NRG3: variants seen among roughly 807,000 people sequenced by gnomAD.
NRG3 encodes pro-neuregulin-3, membrane-bound isoform.
In NRG3, 31 loss-of-function variants were observed where a neutral mutation model predicts 66.9. That is an observed-to-expected ratio of 0.46 (90% CI 0.35 to 0.63). NRG3 has a LOEUF of 0.63. NRG3 is among the 20% of genes least tolerant of loss of function. The pLI is 0.00. For synonymous variants in NRG3, 393 were observed against 359.4 expected (o/e 1.09, Z -1.06); for missense variants, 910 against 878.9 (o/e 1.04, Z -0.45).
intron 2 of NRG3, among the ~76,000 whole-genome samples, chr10:82,737,498 A>T (rs927603305): frequency 2.6e-5 from 4 of 152,078 alleles, no homozygotes; most frequent in Non-Finnish European, 5.9e-5. Flanking sequence ...TGTCAATTTC[A>T]TAGATTTCTA....
chr10:82,282,133 C>T (rs2079155093), intron 1 of NRG3, among the ~76,000 whole-genome samples: 1 of 152,178 alleles, frequency 6.6e-6, no homozygotes, highest in African/African-American at 2.4e-5. Context: ...GCTGCTTGCC[C>T]AGTCTAATGA....
intron 2 of NRG3, among the ~76,000 whole-genome samples, chr10:82,413,880 G>A (rs1359680236): frequency 6.6e-6 from 1 of 152,178 alleles, no homozygotes; most frequent in East Asian, 1.9e-4. Flanking sequence ...GGCCTTCATA[G>A]AATTGAAGAG....
chr10:82,598,491 G>A (rs1274154543), intron 2 of NRG3, among the ~76,000 whole-genome samples: 1 of 152,132 alleles, frequency 6.6e-6, no homozygotes, highest in East Asian at 1.9e-4. Context: ...ATATCTCTTG[G>A]ACACATGACA....
intron 1 of NRG3, among the ~76,000 whole-genome samples, chr10:82,354,421 G>A (rs533401496): frequency 3.3e-4 from 48 of 145,826 alleles, no homozygotes; most frequent in African/African-American, 1.1e-3. Context: ...ACAGAGTTTC[G>A]CTCTTGTTAC....
chr10:82,014,745 G>C (rs2061713420), intron 1 of NRG3, among the ~76,000 whole-genome samples: 1 of 152,166 alleles, frequency 6.6e-6, no homozygotes, highest in African/African-American at 2.4e-5. Context: ...CAGGAAGGAG[G>C]CCAGACTGTA....
chr10:82,577,035 G>T (rs953403536), intron 2 of NRG3, among the ~76,000 whole-genome samples: 2 of 151,616 alleles, frequency 1.3e-5, no homozygotes, highest in Admixed American at 1.3e-4. Context: ...TTATTATTTT[G>T]TTCCTCTAAT....
chr10:82,097,310 ATTTG>A (rs145460600), intron 1 of NRG3, among the ~76,000 whole-genome samples: 4,106 of 149,524 alleles, frequency 0.027, 193 homozygotes, highest in African/African-American at 0.096. Context: ...TTGTTTCATC[ATTTG>A]TTTATCTATT....
intron 7 of NRG3, among the ~76,000 whole-genome samples, chr10:82,976,111 A>C (rs757595319): frequency 9.9e-5 from 15 of 151,992 alleles, no homozygotes; most frequent in African/African-American, 1.2e-4. Flanking sequence ...GCTGGAGTGC[A>C]GTGGTGTGAT....
chr10:82,705,481 G>T (rs148592055), intron 2 of NRG3, among the ~76,000 whole-genome samples: 12 of 152,296 alleles, frequency 7.9e-5, no homozygotes, highest in African/African-American at 2.9e-4. Flanking sequence ...GTGAACAGGT[G>T]CATTGAGTTC....
intron 1 of NRG3, among the ~76,000 whole-genome samples, chr10:82,127,041 A>G (rs541667716): frequency 2.0e-5 from 3 of 152,194 alleles, no homozygotes; most frequent in East Asian, 1.9e-4. Flanking sequence ...TTGTTGTTCA[A>G]TCCTTGAGCA....
At chr10:82,315,253 C>T (rs1200980087) in intron 1 of NRG3, among the ~76,000 whole-genome samples, 1 of 152,174 alleles carries the variant, frequency 6.6e-6, no homozygotes, top group African/African-American at 2.4e-5. Context: ...TCCTCACTGC[C>T]CGGAGTACTT....
intron 2 of NRG3, among the ~76,000 whole-genome samples, chr10:82,519,381 C>G (rs1845985328): frequency 6.6e-6 from 1 of 152,156 alleles, no homozygotes; most frequent in South Asian, 2.1e-4. Flanking sequence ...TCCCAACCAA[C>G]CTTAAAAGTC....
At chr10:82,055,476 C>CA (rs35438768) in intron 1 of NRG3, among the ~76,000 whole-genome samples, 37,978 of 115,464 alleles carry the variant, frequency 0.33, 5,570 homozygotes, top group East Asian at 0.47. Flanking sequence ...GACTCCGTCT[C>CA]AAAAAAAAAA....
intron 1 of NRG3, among the ~76,000 whole-genome samples, chr10:82,322,429 T>C (rs985102319): frequency 2.0e-5 from 3 of 152,184 alleles, no homozygotes; most frequent in Non-Finnish European, 4.4e-5. Context: ...AAAATCTTTA[T>C]AGAAAAGGAT....
intron 3 of NRG3, among the ~76,000 whole-genome samples, chr10:82,849,891 G>A (rs1347137109): frequency 6.6e-6 from 1 of 152,160 alleles, no homozygotes; most frequent in Non-Finnish European, 1.5e-5. Context: ...TGGGAGGGAT[G>A]TTCAAAGCAA....
intron 1 of NRG3, among the ~76,000 whole-genome samples, chr10:82,136,592 C>T (rs141785650): frequency 1.3e-5 from 2 of 152,252 alleles, no homozygotes; most frequent in East Asian, 3.9e-4. Context: ...GGAGTCTCTC[C>T]CTGTGTCCAC....
chr10:82,665,924 C>G (rs182829432), intron 2 of NRG3, among the ~76,000 whole-genome samples: 1 of 152,096 alleles, frequency 6.6e-6, no homozygotes, highest in South Asian at 2.1e-4. Context: ...TACAGTGGCG[C>G]GATCTCGGCT....
At chr10:82,961,651 G>C (rs754523069) in intron 6 of NRG3, among the ~76,000 whole-genome samples, 5 of 152,204 alleles carry the variant, frequency 3.3e-5, no homozygotes, top group Non-Finnish European at 7.3e-5. Flanking sequence ...CTAGTGGGTA[G>C]CGGTCATTGG....
chr10:82,567,693 C>T (rs1166319853), intron 2 of NRG3, among the ~76,000 whole-genome samples: 1 of 151,900 alleles, frequency 6.6e-6, no homozygotes, highest in Non-Finnish European at 1.5e-5. Context: ...TCCTTCTTGC[C>T]ATCTCTAGGA....
Sources: allele counts gnomAD v4.1 joint callset (sites outside exome capture counted in the v4.1 genomes callset), GRCh38; gene constraint gnomAD v4.1.1; transcripts MANE v1.5; gene names NCBI Gene and HGNC (gene_info 2026-07-23, HGNC 2026-07-21).